CADM1: variants seen among roughly 807,000 people sequenced by gnomAD.
CADM1 encodes TSLC-1.
A neutral mutation model predicts 53.1 loss-of-function variants in CADM1; 15 were observed. The ratio of observed to expected loss-of-function variants is 0.28; its 90% CI spans 0.19 to 0.44. CADM1 has a LOEUF of 0.44. CADM1 is among the 20% of genes least tolerant of loss of function. The pLI is 1.00. For synonymous variants in CADM1, 281 were observed against 243.0 expected, an observed-to-expected ratio of 1.16 and a Z score of -1.45; for missense variants, 434 against 611.3, an observed-to-expected ratio of 0.71 and a Z score of 3.06.
intron 1 of CADM1, among the ~76,000 whole-genome samples, chr11:115,378,255 G>A (rs1268988049): frequency 6.6e-6 from 1 of 152,150 alleles, no homozygotes; most frequent in Admixed American, 6.5e-5. Context: ...AGGACTAACA[G>A]ATCATCTCCC....
chr11:115,320,363 C>G (rs971655290), intron 1 of CADM1, among the ~76,000 whole-genome samples: 1 of 152,074 alleles, frequency 6.6e-6, no homozygotes, highest in Non-Finnish European at 1.5e-5. Context: ...ATGATGAGCA[C>G]TTTTCTAAAT....
chr11:115,338,402 A>C (rs1246207390), intron 1 of CADM1, among the ~76,000 whole-genome samples: 1 of 152,168 alleles, frequency 6.6e-6, no homozygotes, highest in African/African-American at 2.4e-5. Flanking sequence ...GCCTAATACT[A>C]AATTACCTAG....
chr11:115,491,965 A>T (rs1949507521), intron 1 of CADM1, among the ~76,000 whole-genome samples: 1 of 152,154 alleles, frequency 6.6e-6, no homozygotes, highest in South Asian at 2.1e-4. Context: ...GGGCAGGGGG[A>T]GGGATAGCAT....
intron 1 of CADM1, among the ~76,000 whole-genome samples, chr11:115,495,303 C>T (rs1198851156): frequency 1.3e-5 from 2 of 152,154 alleles, no homozygotes; most frequent in East Asian, 3.8e-4. Flanking sequence ...CAGCAAAGAG[C>T]CAAATAAATA....
intron 1 of CADM1, among the ~76,000 whole-genome samples, chr11:115,497,495 C>T (rs1404872952): frequency 2.1e-4 from 32 of 152,160 alleles, no homozygotes; most frequent in Admixed American, 2.0e-3. Context: ...TCTACATCGC[C>T]CTTTTTTCTA....
At chr11:115,177,734 C>T (rs1939103543) in intron 11 of CADM1, among the ~76,000 whole-genome samples, 1 of 151,238 alleles carries the variant, frequency 6.6e-6, no homozygotes, top group Non-Finnish European at 1.5e-5. Flanking sequence ...TGAGTGTGGG[C>T]AGAGGGCGAA....
chr11:115,470,799 A>T (rs1301464157), intron 1 of CADM1, among the ~76,000 whole-genome samples: 1 of 152,192 alleles, frequency 6.6e-6, no homozygotes, highest in Non-Finnish European at 1.5e-5. Flanking sequence ...TACCTACCAA[A>T]TCTCACTTAA....
chr11:115,239,080 GA>G (rs1201400458), intron 2 of CADM1, among the ~76,000 whole-genome samples: 1 of 152,082 alleles, frequency 6.6e-6, no homozygotes, highest in Non-Finnish European at 1.5e-5. Flanking sequence ...TTGGGCACTG[GA>G]AGTTCAGGGA....
At chr11:115,261,624 T>C (rs188059878) in intron 1 of CADM1, among the ~76,000 whole-genome samples, 1 of 152,326 alleles carries the variant, frequency 6.6e-6, no homozygotes. Context: ...ATACGAGAAG[T>C]CATTTCACTG....
In CADM1 at chr11:115,238,881, C is replaced by CATAT. The variant is rs138598185; in HGVS notation, c.272-233_272-230dup. Among the ~76,000 whole-genome samples the CATAT allele has an allele frequency of 2.6e-5, 4 of 151,276 alleles. No individual in the cohort carries two copies. In the East Asian group the frequency reaches 7.8e-4, roughly 29 times the overall value. Reference sequence around the variant, plus strand: ...GTGTGCATATATATATATATGCACACATATATATATATGCACACACACCCA... The same window carrying CATAT: ...GTGTGCATATATATATATATGCACACATATATATATATATATGCACACACACCCA... On this transcript the variant is annotated intron_variant, in intron 2 of 11. Coordinates refer to ENST00000331581, the MANE Select transcript of CADM1 (RefSeq NM_001301043.2).
intron 1 of CADM1, among the ~76,000 whole-genome samples, chr11:115,477,251 G>A (rs1421582698): frequency 6.6e-6 from 1 of 152,092 alleles, no homozygotes. Context: ...TAAATTTATT[G>A]TGCATACAGT....
intron 11 of CADM1, among the ~76,000 whole-genome samples, chr11:115,178,128 T>A (rs946619748): frequency 6.6e-6 from 1 of 152,176 alleles, no homozygotes; most frequent in African/African-American, 2.4e-5. Context: ...TAAAAATACA[T>A]ATTTATGCGG....
chr11:115,313,230 C>T (rs776976304), intron 1 of CADM1, among the ~76,000 whole-genome samples: 3 of 152,238 alleles, frequency 2.0e-5, no homozygotes, highest in Middle Eastern at 3.4e-3. Context: ...GTAGTACATA[C>T]AATATCTTCC....
rs192637328 is a variant in CADM1 at position 115,381,617 on chromosome 11, C to T, written c.124+122654G>A. Among the ~76,000 whole-genome samples the T allele has an allele frequency of 3.3e-5, 5 of 152,252 alleles. 1 individual carries two copies. The highest frequency in any genetic ancestry group is 1.2e-4 in the African/African-American group (5 of 41,552). On this transcript the variant is annotated intron_variant, in intron 1 of 11. Coordinates refer to ENST00000331581, the MANE Select transcript of CADM1 (RefSeq NM_001301043.2). ...ACTTTCCTTATGTATAAAATGGAGACATCTTTCTCATTCGGTTGTTATAGG... is the reference window on the plus strand; with the variant it reads ...ACTTTCCTTATGTATAAAATGGAGATATCTTTCTCATTCGGTTGTTATAGG...
Position 115,246,447 on chromosome 11 carries a change from C to A in CADM1, c.125-6027G>T, listed in dbSNP as rs78151203. Among the ~76,000 whole-genome samples the A allele has an allele frequency of 2.5e-3, 385 of 152,294 alleles. 8 individuals are homozygous for A. In the East Asian group the frequency reaches 0.026, roughly 10 times the overall value. Reference sequence around the variant, plus strand: ...AGTGAACAAGAATATGTGACATTGACCCAAACACTTCATCTGTATCACCTT... The same window carrying A: ...AGTGAACAAGAATATGTGACATTGAACCAAACACTTCATCTGTATCACCTT... On this transcript the variant is annotated intron_variant, in intron 1 of 11. Coordinates refer to ENST00000331581, the MANE Select transcript of CADM1 (RefSeq NM_001301043.2).
At chr11:115,415,584 C>G (rs1468505682) in intron 1 of CADM1, among the ~76,000 whole-genome samples, 1 of 151,936 alleles carries the variant, frequency 6.6e-6, no homozygotes, top group East Asian at 1.9e-4. Context: ...CATCTGTAAT[C>G]CCAGCACTTT....
intron 1 of CADM1, among the ~76,000 whole-genome samples, chr11:115,342,872 A>G (rs1400813847): frequency 1.3e-5 from 2 of 152,164 alleles, no homozygotes; most frequent in Non-Finnish European, 2.9e-5. Flanking sequence ...TATGTGTTCA[A>G]TAAGAGCTTG....
At chr11:115,502,959 G>C (rs1334636792) in intron 1 of CADM1, among the ~76,000 whole-genome samples, 2 of 152,186 alleles carry the variant, frequency 1.3e-5, no homozygotes, top group African/African-American at 4.8e-5. Context: ...TCCGCCACTT[G>C]TTGCTCCCGG....
At position 115,214,797 on chromosome 11, in the gene CADM1, A is replaced by C; in HGVS notation, c.822-17T>G. On this transcript the variant is annotated splice_polypyrimidine_tract_variant and intron_variant, in intron 6 of 11. Transcript: ENST00000331581. ...ATCACAGGCCTGCAGGGGGAAGGGG[A>C]GGAAGACAAGTCACATTATCATTCC... 6.2e-7 allele frequency: 1 copy of C among 1,612,942 alleles called. No individual in the cohort carries two copies. The highest frequency in any genetic ancestry group is 8.5e-7 in the Non-Finnish European group (1 of 1,179,380).
Sources: gnomAD v4.1 joint callset for allele counts (sites outside exome capture counted in the v4.1 genomes callset) on GRCh38, gnomAD v4.1.1 for gene constraint, MANE v1.5 for transcripts, NCBI Gene and HGNC (gene_info 2026-07-23, HGNC 2026-07-21) for gene names.